Variants in HOXA3 observed in about 807,000 individuals in gnomAD.
The protein encoded by HOXA3 is homeobox protein Hox-A3.
In HOXA3, 8 loss-of-function variants were observed where a neutral mutation model predicts 30.3. That is an observed-to-expected ratio of 0.26 (90% confidence interval 0.15 to 0.48). The LOEUF is 0.48. Among genes scored for constraint, HOXA3 ranks in the 20% least tolerant of loss-of-function variants. The probability of loss-of-function intolerance (pLI) is 0.99; values close to 1 mark genes in which losing one functional copy is unlikely to be tolerated. For synonymous variants in HOXA3, 323 were observed against 273.1 expected (o/e 1.18, Z -1.80); for missense variants, 653 against 614.4 (o/e 1.06, Z -0.66).
chr7:27,147,153 T>C, intron 1 of HOXA3: 1 of 781,854 alleles, frequency 1.3e-6, no homozygotes, highest in Non-Finnish European at 2.0e-6. Context: ...CATTGGGAAC[T>C]GATTTTTTCT....
intron 2 of HOXA3, chr7:27,129,187 C>A: frequency 2.5e-6 from 3 of 1,182,834 alleles, no homozygotes; most frequent in Non-Finnish European, 3.8e-6. Flanking sequence ...AAGAGAAAAG[C>A]AGGTAAGGGA....
chr7:27,146,019 C>G, intron 1 of HOXA3: 1 of 1,331,070 alleles, frequency 7.5e-7, no homozygotes, highest in Non-Finnish European at 1.0e-6. Flanking sequence ...GAAACCACCC[C>G]GCCTCCACTC....
At chr7:27,112,269 A>G (rs1784419993) in intron 4 of HOXA3, among the ~76,000 whole-genome samples, 2 of 152,180 alleles carry the variant, frequency 1.3e-5, no homozygotes, top group African/African-American at 4.8e-5. Context: ...ATGCAATCCA[A>G]CTATGTATAT....
intron 4 of HOXA3, among the ~76,000 whole-genome samples, chr7:27,119,196 C>T (rs1219869801): frequency 1.6e-5 from 2 of 127,316 alleles, no homozygotes; most frequent in African/African-American, 6.0e-5. Context: ...AATCAACCTT[C>T]ACTGGAGTGC....
At chr7:27,138,563 G>A (rs1330112757) in intron 2 of HOXA3, among the ~76,000 whole-genome samples, 2 of 152,168 alleles carry the variant, frequency 1.3e-5, no homozygotes, top group African/African-American at 4.8e-5. Context: ...AGGATTGGAG[G>A]AAATCTACTG....
At chr7:27,129,352 G>T (rs1785417263) in intron 2 of HOXA3, 24 of 1,614,208 alleles carry the variant, frequency 1.5e-5, no homozygotes, top group Non-Finnish European at 2.0e-5. Flanking sequence ...TCGCATCTTG[G>T]TGTTGGGCAG....
chr7:27,130,643 C>T, intron 2 of HOXA3: 1 of 1,595,256 alleles, frequency 6.3e-7, no homozygotes, highest in Non-Finnish European at 8.5e-7. Context: ...CCGTCTGCGC[C>T]GCCCGAGCCG....
At position 27,110,346 on chromosome 7, in the gene HOXA3, GC is replaced by G; in HGVS notation, c.294del (p.Pro100LeufsTer60). ...PPLHPPPPQA[A>X]PPAPQPPQPA... ...GGCTGAGGCGGCTGTGGGGCAGGGGGCGCGGCCTGGGGCGGCGGCGGGTGCA... is the reference window on the plus strand; with the variant it reads ...GGCTGAGGCGGCTGTGGGGCAGGGGGGCGGCCTGGGGCGGCGGCGGGTGCA... On this transcript the variant is annotated frameshift_variant, in exon 5 of 6. Coordinates refer to ENST00000612286, the MANE Select transcript of HOXA3 (RefSeq NM_153631.3). LOFTEE classifies it high-confidence loss of function. 1 of 1,507,652 alleles carries G rather than the reference GC, an allele frequency of 6.6e-7. No individual in the cohort carries two copies. The highest frequency in any genetic ancestry group is 8.8e-7 in the Non-Finnish European group (1 of 1,132,232). 93.4% of individuals were successfully genotyped at this position (1,507,652 alleles called of 1,614,324 possible). A position where few individuals can be genotyped will look rare whatever the true frequency, so the allele number is the denominator to read the frequency against.
At chr7:27,111,930 C>G (rs1011369222) in intron 4 of HOXA3, among the ~76,000 whole-genome samples, 2 of 152,162 alleles carry the variant, frequency 1.3e-5, no homozygotes, top group East Asian at 3.8e-4. Context: ...TAAAATCCTG[C>G]CAGAGTTTCC....
intron 1 of HOXA3, among the ~76,000 whole-genome samples, chr7:27,144,011 A>T (rs1782667594): frequency 6.6e-6 from 1 of 152,214 alleles, no homozygotes; most frequent in African/African-American, 2.4e-5. Context: ...TGGCAAAATT[A>T]TTGCATTTCC....
At chr7:27,143,355 T>C (rs1194560348) in intron 1 of HOXA3, 2 of 1,592,566 alleles carry the variant, frequency 1.3e-6, no homozygotes, top group Admixed American at 1.7e-5. Flanking sequence ...TGGCTGTACC[T>C]GGGCTCGGCG....
intron 1 of HOXA3, 114 bp downstream of exon 1, chr7:27,152,174 G>T: frequency 2.3e-6 from 1 of 439,644 alleles, no homozygotes; most frequent in Non-Finnish European, 3.8e-6. Context: ...GGGTGAGTAT[G>T]GGTAAGGGGG....
rs752833637 is a variant in HOXA3 at position 27,108,626 on chromosome 7, C to T, written c.621G>A (p.Glu207=). Residue 207 remains glutamate (E), a synonymous_variant, in exon 6 of 6, where the codon GAG becomes GAA. Transcript: ENST00000612286. The surrounding 1 kb of genome is among the most constrained non-coding windows in gnomAD (Gnocchi z 5.0). ...AYTSAQLVEL[E]KEFHFNRYLC... is the part of the protein sequence containing the mutation. The stretch of plus-strand genomic sequence containing the variant: ...GGTAGCGGTTGAAGTGGAACTCTTT[C>T]TCCAGCTCCACCAGCTGCGCGCTCG... 1 of 1,614,150 alleles carries T rather than the reference C, an allele frequency of 6.2e-7. No homozygotes were observed. The highest frequency in any genetic ancestry group is 1.1e-5 in the South Asian group (1 of 91,084).
At chr7:27,152,069 A>G (rs1782989033) in intron 1 of HOXA3, among the ~76,000 whole-genome samples, 1 of 150,916 alleles carries the variant, frequency 6.6e-6, no homozygotes, top group African/African-American at 2.5e-5. Context: ...AGGGGAGAGA[A>G]AGGGAGTGGT....
Position 27,152,525 on chromosome 7 carries a change from G to A in HOXA3, c.-731C>T, listed in dbSNP as rs1349752640. On this transcript the variant is annotated 5_prime_UTR_variant, in exon 1 of 6. Coordinates refer to ENST00000612286, the MANE Select transcript of HOXA3 (RefSeq NM_153631.3). ...CGCCATCTCCGGACAAAGCACAGCC[G>A]AGCCCGGCTGGAAGGCAGAGCTCCG... The A allele has an allele frequency of 5.1e-6, 6 of 1,178,870 alleles. No individual in the cohort carries two copies. Among genetic ancestry groups the A allele is most frequent in the Non-Finnish European group, 6.4e-6 (6 of 937,386 alleles). 73.0% of individuals were successfully genotyped at this position (1,178,870 alleles called of 1,614,324 possible).
chr7:27,138,240 C>G (rs1785772845), intron 2 of HOXA3, among the ~76,000 whole-genome samples: 1 of 152,158 alleles, frequency 6.6e-6, no homozygotes, highest in African/African-American at 2.4e-5. Context: ...GATTCTTCAC[C>G]TTGCCACTAT....
intron 2 of HOXA3, among the ~76,000 whole-genome samples, chr7:27,131,958 CCTG>C (rs376750034): frequency 1.1e-3 from 166 of 152,264 alleles, no homozygotes; most frequent in African/African-American, 2.2e-3. Flanking sequence ...GAGACTGTTG[CCTG>C]CTATTTGGTA....
At chr7:27,148,161 T>A (rs1299491082) in intron 1 of HOXA3, among the ~76,000 whole-genome samples, 1 of 152,242 alleles carries the variant, frequency 6.6e-6, no homozygotes, top group African/African-American at 2.4e-5. Flanking sequence ...CCTTTTTGCT[T>A]TATTGAATTT....
rs568037754 is a variant in HOXA3 at position 27,110,887 on chromosome 7, C to T, written c.-120-127G>A. Reference sequence around the variant, plus strand: ...AATATTTAGCAGCACGACTTGGCCCCGGGCGCAGGGAGCCGTGCTATAAAA... The same window carrying T: ...AATATTTAGCAGCACGACTTGGCCCTGGGCGCAGGGAGCCGTGCTATAAAA... On this transcript the variant is annotated intron_variant, in intron 4 of 5. Transcript: ENST00000612286. 142 of 494,074 alleles carry T rather than the reference C, an allele frequency of 2.9e-4. No homozygotes were observed. In the South Asian group the frequency reaches 3.6e-3, roughly 13 times the overall value. 30.6% of individuals were successfully genotyped at this position (494,074 alleles called of 1,614,324 possible).
Sources: gnomAD v4.1 joint callset for allele counts (sites outside exome capture counted in the v4.1 genomes callset) on GRCh38, gnomAD v4.1.1 for gene constraint, Gnocchi (gnomAD v3.1) non-coding constraint, MANE v1.5 for transcripts, NCBI Gene and HGNC (gene_info 2026-07-23, HGNC 2026-07-21) for gene names.